The following PTPN2 variants were observed in gnomAD, a reference collection of about 807,000 sequenced individuals.
The protein encoded by PTPN2 is tyrosine-protein phosphatase non-receptor type 2.
In PTPN2, 19 loss-of-function variants were observed where a neutral mutation model predicts 57.3. That is an observed-to-expected ratio of 0.33 (90% CI 0.23 to 0.49). PTPN2 has a LOEUF of 0.49. Ranked by LOEUF, PTPN2 falls within the 20% of genes least tolerant of loss-of-function variation. The probability of loss-of-function intolerance (pLI) is 0.99; values close to 1 mark genes in which losing one functional copy is unlikely to be tolerated. For missense variants in PTPN2, 358 were observed against 501.1 expected, an observed-to-expected ratio of 0.71 and a Z score of 2.73; for synonymous variants, 153 against 164.9, an observed-to-expected ratio of 0.93 and a Z score of 0.55.
chr18:12,787,666 C>T (rs2040875943), downstream of PTPN2: 1 of 152,090 alleles, frequency 6.6e-6, no homozygotes, highest in African/African-American at 2.4e-5. Flanking sequence ...CATTGGGAGG[C>T]TTAATTGTTT....
In PTPN2 at chr18:12,793,222, AT is replaced by A. The variant is rs1360174893; in HGVS notation, c.*1055del. 7.2e-6 allele frequency: 7 copies of A among 975,742 alleles called. No homozygotes were observed. The highest frequency in any genetic ancestry group is 8.5e-6 in the Non-Finnish European group (7 of 823,562). The allele number at this position is 975,742 out of a possible 1,614,324, so 60.4% of individuals were successfully genotyped here. A position where few individuals can be genotyped will look rare whatever the true frequency, so the allele number is the denominator to read the frequency against. ...TTCATTAAACAGTTTGCTTTAAAAA[AT>A]ATTCATTAAGTTAAAATGACAATGT... On this transcript the variant is annotated 3_prime_UTR_variant, in exon 9 of 9. Coordinates refer to ENST00000309660, the MANE Select transcript of PTPN2 (RefSeq NM_002828.4).
chr18:12,796,300 TG>T (rs1435121002), intron 8 of PTPN2, among the ~76,000 whole-genome samples: 3 of 152,212 alleles, frequency 2.0e-5, no homozygotes, highest in Non-Finnish European at 2.9e-5. Flanking sequence ...AATTAGATCG[TG>T]GTGCCAGCTA....
intron 1 of PTPN2, among the ~76,000 whole-genome samples, chr18:12,874,141 C>A (rs1480808180): frequency 2.6e-5 from 4 of 152,078 alleles, no homozygotes; most frequent in Admixed American, 2.6e-4. Context: ...GCAGCCGCCC[C>A]GTCCAGGAGG....
intron 1 of PTPN2, among the ~76,000 whole-genome samples, chr18:12,870,731 G>A (rs1417230314): frequency 6.6e-6 from 1 of 151,260 alleles, no homozygotes. Flanking sequence ...GGATGGTCTC[G>A]ATCTCCTGAC....
chr18:12,842,861 G>A (rs1424873920), intron 2 of PTPN2, among the ~76,000 whole-genome samples: 1 of 152,118 alleles, frequency 6.6e-6, no homozygotes, highest in African/African-American at 2.4e-5. Context: ...AATTCCAGAA[G>A]ATTTTCACAT....
intron 2 of PTPN2, among the ~76,000 whole-genome samples, chr18:12,849,274 C>CT (rs912674668): frequency 2.0e-5 from 3 of 152,092 alleles, no homozygotes; most frequent in African/African-American, 7.2e-5. Context: ...ATAAAATAAT[C>CT]TAGGCCGGGT....
Position 12,871,216 on chromosome 18 carries a change from G to C in PTPN2, c.70-11962C>G, listed in dbSNP as rs143386439. On this transcript the variant is annotated intron_variant, in intron 1 of 8. Coordinates refer to ENST00000309660, the MANE Select transcript of PTPN2 (RefSeq NM_002828.4). Reference sequence around the variant, plus strand: ...CCAGTCATCTATAATGGGACACATAGGTTATTTCTAGGTTTTAGCTGTTAT... The same window carrying C: ...CCAGTCATCTATAATGGGACACATACGTTATTTCTAGGTTTTAGCTGTTAT... 2.8e-3 allele frequency among the ~76,000 whole-genome samples: 426 copies of C among 152,190 alleles called. 2 individuals are homozygous for C. The highest frequency in any genetic ancestry group is 9.8e-3 in the African/African-American group (405 of 41,512).
chr18:12,820,545 A>G (rs2145331686), intron 5 of PTPN2, among the ~76,000 whole-genome samples: 1 of 152,308 alleles, frequency 6.6e-6, no homozygotes, highest in South Asian at 2.1e-4. Context: ...CTTTATTCCA[A>G]ACAAGGTCTG....
intron 1 of PTPN2, among the ~76,000 whole-genome samples, chr18:12,877,906 T>C (rs935404915): frequency 6.6e-6 from 1 of 152,082 alleles, no homozygotes; most frequent in East Asian, 1.9e-4. Context: ...GGCGGGCGCC[T>C]GTAGTCCCAG....
chr18:12,826,201 G>C (rs985589563), intron 4 of PTPN2, among the ~76,000 whole-genome samples: 7 of 152,134 alleles, frequency 4.6e-5, no homozygotes, highest in African/African-American at 7.2e-5. Context: ...TCAGGAGTTC[G>C]AGACCAACCT....
intron 1 of PTPN2, among the ~76,000 whole-genome samples, chr18:12,870,414 TGTATATATATAC>T (rs1428448927): frequency 1.5e-5 from 1 of 68,788 alleles, no homozygotes; most frequent in Admixed American, 1.5e-4. Flanking sequence ...CGTATATATA[TGTATATATATAC>T]GTATATATAT....
At chr18:12,822,758 GTTCT>G (rs781183368) in intron 5 of PTPN2, among the ~76,000 whole-genome samples, 1 of 152,086 alleles carries the variant, frequency 6.6e-6, no homozygotes, top group South Asian at 2.1e-4. Flanking sequence ...ACTCCCATTG[GTTCT>G]TTCTTTCTTG....
chr18:12,825,672 C>A, intron 5 of PTPN2, 138 bp downstream of exon 5: 1 of 726,868 alleles, frequency 1.4e-6, no homozygotes, highest in Middle Eastern at 4.4e-4. Context: ...GACACACAAT[C>A]TAAAAACACG....
At chr18:12,810,750 G>C (rs886824320) in intron 7 of PTPN2, among the ~76,000 whole-genome samples, 33 of 152,342 alleles carry the variant, frequency 2.2e-4, no homozygotes, top group Admixed American at 3.9e-4. Flanking sequence ...TTGAGTAGGA[G>C]AGATGAGGCT....
At chr18:12,883,415 T>A (rs2044733478) in intron 1 of PTPN2, among the ~76,000 whole-genome samples, 1 of 152,092 alleles carries the variant, frequency 6.6e-6, no homozygotes, top group Admixed American at 6.5e-5. Context: ...AGCGCTGCCC[T>A]CGCCAGAGGC....
chr18:12,802,022 A>T lies in PTPN2; in HGVS notation c.988T>A (p.Cys330Ser), dbSNP rs750518471. The change falls in exon 8 of 9, where the codon TGT (cysteine) becomes AGT (serine). Residue 330 changes from cysteine to serine, a missense_variant. Transcript: ENST00000309660. ...LEEEKLTGDR[C>S]TGLSSKMQDT... ...TGCATTTTAGAGGAAAGTCCTGTAC[A>T]TCGGTCACCTGTCAGTTTTTCTTCT... 7 of 1,612,322 alleles carry T rather than the reference A, an allele frequency of 4.3e-6. No individual in the cohort carries two copies. In the African/African-American group the frequency reaches 6.7e-5, roughly 15 times the overall value.
downstream of PTPN2, among the ~76,000 whole-genome samples, chr18:12,789,916 AGAGAGAGAGAGG>A (rs1433632091): frequency 1.6e-4 from 24 of 151,142 alleles, 1 homozygote; most frequent in African/African-American, 5.8e-4. Flanking sequence ...TATGAGAGAC[AGAGAGAGAGAGG>A]GAGAGAGAGA....
At chr18:12,849,166 A>G (rs1032329314) in intron 2 of PTPN2, among the ~76,000 whole-genome samples, 5 of 152,170 alleles carry the variant, frequency 3.3e-5, no homozygotes, top group Non-Finnish European at 5.9e-5. Context: ...CTAGCTTGCT[A>G]TGTGTCATTT....
At chr18:12,854,095 A>C (rs936841801) in intron 2 of PTPN2, among the ~76,000 whole-genome samples, 1 of 152,196 alleles carries the variant, frequency 6.6e-6, no homozygotes, top group African/African-American at 2.4e-5. Context: ...ACGGTGCCTC[A>C]CACCTGTAAT....
Sources: allele counts gnomAD v4.1 joint callset (sites outside exome capture counted in the v4.1 genomes callset), GRCh38; gene constraint gnomAD v4.1.1; transcripts MANE v1.5; gene names NCBI Gene and HGNC (gene_info 2026-07-23, HGNC 2026-07-21).